SOX6: variants seen among roughly 807,000 people sequenced by gnomAD.
The protein encoded by SOX6 is transcription factor SOX-6.
In SOX6, 11 loss-of-function variants were observed where a neutral mutation model predicts 97.8. The ratio of observed to expected loss-of-function variants is 0.11; its 90% CI spans 0.07 to 0.19. SOX6 has a LOEUF of 0.19. Ranked by LOEUF, SOX6 falls within the 10% of genes least tolerant of loss-of-function variation. The probability of loss-of-function intolerance (pLI) is 1.00; values close to 1 mark genes in which losing one functional copy is unlikely to be tolerated. For synonymous variants in SOX6, 360 were observed against 371.4 expected (o/e 0.97, Z 0.35); for missense variants, 810 against 1,039.5 (o/e 0.78, Z 3.04).
intron 4 of SOX6, among the ~76,000 whole-genome samples, chr11:16,535,000 C>T (rs778091227): frequency 2.6e-5 from 4 of 152,066 alleles, no homozygotes; most frequent in Non-Finnish European, 5.9e-5. Flanking sequence ...TTATCCTTAA[C>T]CTAAGCCACA....
At chr11:16,499,628 A>G (rs1860667436) in intron 4 of SOX6, among the ~76,000 whole-genome samples, 1 of 152,184 alleles carries the variant, frequency 6.6e-6, no homozygotes, top group African/African-American at 2.4e-5. Flanking sequence ...TAAAAGGAAT[A>G]TCACCACCGA....
chr11:16,710,816 T>G (rs934545235), intron 3 of SOX6, among the ~76,000 whole-genome samples: 7 of 152,200 alleles, frequency 4.6e-5, no homozygotes, highest in Admixed American at 3.9e-4. Flanking sequence ...TCTACTTTGT[T>G]TCTTGGTATT....
chr11:16,520,936 C>T (rs377272886), intron 4 of SOX6, among the ~76,000 whole-genome samples: 66 of 152,316 alleles, frequency 4.3e-4, no homozygotes, highest in African/African-American at 7.5e-4. Flanking sequence ...AGGGGTGCCC[C>T]GCCATTGCCC....
At chr11:16,421,544 T>C (rs559282887) in intron 1 of SOX6, among the ~76,000 whole-genome samples, 1 of 152,178 alleles carries the variant, frequency 6.6e-6, no homozygotes, top group Non-Finnish European at 1.5e-5. Context: ...TTCCTGTATG[T>C]AACCCTTTAT....
At chr11:16,165,206 G>A (rs912173439) in intron 6 of SOX6, among the ~76,000 whole-genome samples, 18 of 152,112 alleles carry the variant, frequency 1.2e-4, no homozygotes, top group Admixed American at 4.6e-4. Context: ...TGTTGATAGA[G>A]CTAAAATACT....
intron 4 of SOX6, among the ~76,000 whole-genome samples, chr11:16,534,515 G>A (rs973925919): frequency 1.3e-5 from 2 of 152,070 alleles, no homozygotes; most frequent in Non-Finnish European, 2.9e-5. Flanking sequence ...GGAAATATCA[G>A]AAGTTCCCAA....
At chr11:16,283,243 G>T (rs1190628522) in intron 3 of SOX6, among the ~76,000 whole-genome samples, 1 of 149,870 alleles carries the variant, frequency 6.7e-6, no homozygotes, top group Non-Finnish European at 1.5e-5. Context: ...TAGTATTCAT[G>T]CAAGAAACAG....
chr11:16,006,642 T>C (rs968116111), intron 13 of SOX6, among the ~76,000 whole-genome samples: 6 of 152,070 alleles, frequency 3.9e-5, no homozygotes, highest in African/African-American at 7.2e-5. Context: ...TCCAGAACCA[T>C]TGCTGTCCAC....
intron 3 of SOX6, among the ~76,000 whole-genome samples, chr11:16,245,187 T>C (rs1320414082): frequency 6.6e-6 from 1 of 151,776 alleles, no homozygotes; most frequent in African/African-American, 2.4e-5. Flanking sequence ...TCTTTCTTCT[T>C]TGGTAAGTGG....
chr11:16,225,886 C>G (rs778339926), intron 4 of SOX6, among the ~76,000 whole-genome samples: 2 of 152,118 alleles, frequency 1.3e-5, no homozygotes, highest in South Asian at 2.1e-4. Context: ...AGTATTTGCA[C>G]CAAACCCAAC....
chr11:16,213,919 G>GAAACGTCTTA (rs1852296790), intron 4 of SOX6, among the ~76,000 whole-genome samples: 2 of 151,872 alleles, frequency 1.3e-5, no homozygotes, highest in South Asian at 4.1e-4. Flanking sequence ...GAAACGTCTT[G>GAAACGTCTTA]TTATATATAC....
chr11:16,737,348 AG>A (rs1216317191), intron 1 of SOX6, among the ~76,000 whole-genome samples: 1 of 152,076 alleles, frequency 6.6e-6, no homozygotes, highest in Non-Finnish European at 1.5e-5. Flanking sequence ...CTGGGATTAG[AG>A]GCATGTGCCA....
chr11:16,134,194 T>C (rs753173125), intron 6 of SOX6, among the ~76,000 whole-genome samples: 14 of 152,218 alleles, frequency 9.2e-5, no homozygotes, highest in Admixed American at 2.0e-4. Flanking sequence ...AAAAGCTTAA[T>C]AGCTTGCCTC....
chr11:16,500,568 C>A (rs933205323), intron 4 of SOX6, among the ~76,000 whole-genome samples: 1 of 152,172 alleles, frequency 6.6e-6, no homozygotes, highest in Non-Finnish European at 1.5e-5. Context: ...ACCCCATCTT[C>A]TAAGCCCAAA....
At chr11:16,587,190 G>A (rs977410861) in intron 4 of SOX6, among the ~76,000 whole-genome samples, 1 of 152,152 alleles carries the variant, frequency 6.6e-6, no homozygotes, top group African/African-American at 2.4e-5. Context: ...ACAGAGAGCT[G>A]CATTTATATG....
At chr11:15,983,762 T>C (rs1223000153) in intron 15 of SOX6, among the ~76,000 whole-genome samples, 1 of 152,154 alleles carries the variant, frequency 6.6e-6, no homozygotes, top group African/African-American at 2.4e-5. Context: ...GATCATTGCC[T>C]GCACTTCAGT....
intron 1 of SOX6, among the ~76,000 whole-genome samples, chr11:16,364,294 G>A (rs1459143523): frequency 6.6e-6 from 1 of 152,024 alleles, no homozygotes; most frequent in East Asian, 1.9e-4. Flanking sequence ...AGGACTTACA[G>A]GATAAGCCCA....
intron 3 of SOX6, among the ~76,000 whole-genome samples, chr11:16,665,046 G>A (rs1406237767): frequency 6.6e-6 from 1 of 151,958 alleles, no homozygotes; most frequent in Non-Finnish European, 1.5e-5. Context: ...ATCAGCAGGG[G>A]TAACCAGACA....
rs373194650 is a variant in SOX6, at chr11:16,397,033, C to A, written c.-4-55781G>T. Among the ~76,000 whole-genome samples the A allele has an allele frequency of 2.6e-5, 4 of 151,338 alleles. No homozygotes were observed. The East Asian group carries it at 5.8e-4, about 22-fold the overall frequency. On this transcript the variant is annotated intron_variant, in intron 1 of 15. Coordinates refer to the SOX6 transcript ENST00000396356. ...ACATCTGGAAAACACCTCACTGAATCTTTACGTGAATATTTTACTTTAAAT... is the reference window on the plus strand; with the variant it reads ...ACATCTGGAAAACACCTCACTGAATATTTACGTGAATATTTTACTTTAAAT...
Sources: allele counts gnomAD v4.1 joint callset (sites outside exome capture counted in the v4.1 genomes callset), GRCh38; gene constraint gnomAD v4.1.1; transcripts MANE v1.5; gene names NCBI Gene and HGNC (gene_info 2026-07-23, HGNC 2026-07-21).